Variants in TRPM3 observed in about 807,000 individuals in gnomAD.
TRPM3 encodes transient receptor potential cation channel subfamily M member 3.
Under a neutral mutation model 181.2 loss-of-function variants are expected in TRPM3, and 77 were observed. The ratio of observed to expected loss-of-function variants is 0.42; its 90% CI spans 0.35 to 0.51. TRPM3 has a LOEUF of 0.51. Ranked by LOEUF, TRPM3 falls within the 20% of genes least tolerant of loss-of-function variation. The pLI is 0.01. For synonymous variants in TRPM3, 745 were observed against 796.4 expected (o/e 0.94, Z 1.09); for missense variants, 1,759 against 2,196.7 (o/e 0.80, Z 3.98).
At chr9:71,398,259 C>T (rs376090464) in intron 1 of TRPM3, among the ~76,000 whole-genome samples, 6 of 152,124 alleles carry the variant, frequency 3.9e-5, no homozygotes, top group African/African-American at 7.2e-5. Context: ...GTTCTTATCC[C>T]GGCTGCATAT....
chr9:71,024,448 A>G (rs1394467843), intron 1 of TRPM3, among the ~76,000 whole-genome samples: 2 of 152,222 alleles, frequency 1.3e-5, no homozygotes, highest in African/African-American at 4.8e-5. Flanking sequence ...TTAAGCAGGG[A>G]TAAAAATCCA....
At chr9:71,221,999 G>A (rs2080272444) in intron 1 of TRPM3, among the ~76,000 whole-genome samples, 1 of 152,042 alleles carries the variant, frequency 6.6e-6, no homozygotes, top group African/African-American at 2.4e-5. Flanking sequence ...TTTTTTATCT[G>A]CCCTTAAAGA....
chr9:70,881,861 G>C (rs139064084), intron 1 of TRPM3, among the ~76,000 whole-genome samples: 14 of 152,120 alleles, frequency 9.2e-5, no homozygotes, highest in African/African-American at 3.1e-4. Flanking sequence ...TTATTCCCTT[G>C]GTCACATTTT....
At chr9:71,177,856 C>G (rs1300006332) in intron 1 of TRPM3, among the ~76,000 whole-genome samples, 1 of 147,238 alleles carries the variant, frequency 6.8e-6, no homozygotes, top group Non-Finnish European at 1.5e-5. Flanking sequence ...TTTTCATTTT[C>G]TGTTTACCTT....
At position 71,357,014 on chromosome 9, in the gene TRPM3, G is replaced by A. The variant is rs147756845; in HGVS notation, c.183+89639C>T. On this transcript the variant is annotated intron_variant, in intron 1 of 24. Transcript: ENST00000357533. The stretch of plus-strand genomic sequence containing the variant: ...TGTAACATGGCTCCTGTCAAGTCAC[G>A]TGGTTGATGGCAGCCTTGAAAAACA... 1.3e-4 allele frequency among the ~76,000 whole-genome samples: 20 copies of A among 152,216 alleles called. 1 individual carries two copies. In the East Asian group the frequency reaches 3.9e-3, roughly 29 times the overall value.
intron 1 of TRPM3, among the ~76,000 whole-genome samples, chr9:71,246,815 GTAGT>G (rs1234438043): frequency 2.6e-5 from 4 of 152,106 alleles, no homozygotes; most frequent in South Asian, 2.1e-4. Context: ...ACTGTACTTG[GTAGT>G]TAGTTACTAC....
In TRPM3 at chr9:70,619,047, C is replaced by T; in HGVS notation, c.2178G>A (p.Gln726=). 1 of 1,614,182 alleles carries T rather than the reference C, an allele frequency of 6.2e-7. No homozygotes were observed. Among genetic ancestry groups the T allele is most frequent in the Non-Finnish European group, 8.5e-7 (1 of 1,180,028 alleles). Residue 726 remains glutamine (Q), a synonymous_variant, in exon 17 of 26, where the codon CAG becomes CAA. Coordinates refer to ENST00000677713, the MANE Select transcript of TRPM3 (RefSeq NM_001366145.2). The stretch of plus-strand genomic sequence containing the variant: ...GCAGTTTCATGGCCAGCTGTTCGTC[C>T]TGCTTGTAGGACTGGTCCAGGAGCT... The part of the protein sequence containing the change: ...AVELLDQSYK[Q]DEQLAMKLLT...
Position 70,653,697 on chromosome 9 carries a change from A to AC in TRPM3, c.1346-13038_1346-13037insG, listed in dbSNP as rs59939709. On this transcript the variant is annotated intron_variant, in intron 9 of 25. Transcript: ENST00000677713. ...TGTCTCAAAAAAAAAAAAAAAAAAA[A>AC]AAACAAACCAAACAAATGTTCTTTC... Among the ~76,000 whole-genome samples the AC allele has an allele frequency of 1.4e-3, 198 of 146,640 alleles. 1 individual carries two copies. The highest frequency in any genetic ancestry group is 4.7e-3 in the African/African-American group (186 of 39,346).
intron 1 of TRPM3, among the ~76,000 whole-genome samples, chr9:71,065,683 T>C (rs1565114821): frequency 6.6e-6 from 1 of 152,210 alleles, no homozygotes; most frequent in Non-Finnish European, 1.5e-5. Flanking sequence ...AAAGCAATCC[T>C]GGTAACCAGG....
At position 71,390,469 on chromosome 9, in the gene TRPM3, T is replaced by C. The variant is rs1407170148; in HGVS notation, c.183+56184A>G. 2.6e-5 allele frequency among the ~76,000 whole-genome samples: 4 copies of C among 152,124 alleles called. No individual in the cohort carries two copies. In the Middle Eastern group the frequency reaches 0.01, roughly 388 times the overall value. On this transcript the variant is annotated intron_variant, in intron 1 of 24. Transcript: ENST00000357533. The stretch of plus-strand genomic sequence containing the variant: ...ATGTTTATATTCTGATCATTTTGAA[T>C]ACAGAGCTCATGTCACTGGTTTCAC...
rs2097837120 is a variant in TRPM3 at position 71,020,435 on chromosome 9, G to A, written c.177+100743C>T. 2.7e-5 allele frequency among the ~76,000 whole-genome samples: 4 copies of A among 150,818 alleles called. No individual in the cohort carries two copies. In the South Asian group the frequency reaches 8.4e-4, roughly 32 times the overall value. ...TGAGGCTATGCTGAACCATGTCTGT[G>A]CCACTGCACTCAGCCTAGGTGACAG... On this transcript the variant is annotated intron_variant, in intron 1 of 25. Coordinates refer to ENST00000677713, the MANE Select transcript of TRPM3 (RefSeq NM_001366145.2).
At chr9:70,595,090 A>G (rs1408007822) in intron 21 of TRPM3, among the ~76,000 whole-genome samples, 1 of 152,180 alleles carries the variant, frequency 6.6e-6, no homozygotes, top group African/African-American at 2.4e-5. Flanking sequence ...CACACTCCTG[A>G]GTAAGGTTTC....
chr9:71,042,808 C>T (rs987614519), intron 1 of TRPM3, among the ~76,000 whole-genome samples: 3 of 151,976 alleles, frequency 2.0e-5, no homozygotes, highest in Admixed American at 6.6e-5. Context: ...AAAGGAAAAA[C>T]GTAATTTAAA....
At chr9:70,955,006 G>A (rs1199864452) in intron 1 of TRPM3, among the ~76,000 whole-genome samples, 1 of 152,116 alleles carries the variant, frequency 6.6e-6, no homozygotes, top group Non-Finnish European at 1.5e-5. Flanking sequence ...TTACTTAGGT[G>A]TTGCAGGCAA....
chr9:71,346,724 T>C (rs192471100), intron 1 of TRPM3, among the ~76,000 whole-genome samples: 2 of 152,266 alleles, frequency 1.3e-5, no homozygotes, highest in Non-Finnish European at 2.9e-5. Flanking sequence ...TTCATCTTGT[T>C]GTCTTGGCTG....
chr9:70,643,962 G>A (rs1369219567), intron 9 of TRPM3, among the ~76,000 whole-genome samples: 1 of 152,192 alleles, frequency 6.6e-6, no homozygotes, highest in African/African-American at 2.4e-5. Flanking sequence ...GCCAGCATGA[G>A]GACCGAGACA....
intron 1 of TRPM3, among the ~76,000 whole-genome samples, chr9:71,127,115 T>C (rs1052942498): frequency 2.6e-5 from 4 of 152,036 alleles, no homozygotes; most frequent in African/African-American, 7.2e-5. Flanking sequence ...TATTATGTTA[T>C]AGGGGTACTT....
At chr9:70,932,904 T>A (rs1487462902) in intron 1 of TRPM3, among the ~76,000 whole-genome samples, 3 of 152,186 alleles carry the variant, frequency 2.0e-5, no homozygotes, top group African/African-American at 7.2e-5. Context: ...AGGCCATTTT[T>A]ATACTTTAGG....
intron 9 of TRPM3, among the ~76,000 whole-genome samples, chr9:70,681,277 C>A (rs750276278): frequency 1.3e-5 from 2 of 152,046 alleles, no homozygotes; most frequent in African/African-American, 4.8e-5. Context: ...AATTCATGGA[C>A]ATAACTAAAC....
Sources: allele counts gnomAD v4.1 joint callset (sites outside exome capture counted in the v4.1 genomes callset), GRCh38; gene constraint gnomAD v4.1.1; transcripts MANE v1.5; gene names NCBI Gene and HGNC (gene_info 2026-07-23, HGNC 2026-07-21).